The following GALNT13 variants were observed in gnomAD, a reference collection of about 807,000 sequenced individuals.
The protein encoded by GALNT13 is polypeptide N-acetylgalactosaminyltransferase 13, also known as UDP-GalNAc:polypeptide N-acetylgalactosaminyltransferase 13.
In GALNT13, 28 loss-of-function variants were observed where a neutral mutation model predicts 64.2. That is an observed-to-expected ratio of 0.44 (90% CI 0.32 to 0.60). The LOEUF (loss-of-function observed/expected upper bound fraction) is 0.60. Among genes scored for constraint, GALNT13 ranks in the 20% least tolerant of loss-of-function variants. GALNT13 has a pLI of 0.05. For missense variants in GALNT13, 577 were observed against 669.8 expected (o/e 0.86, Z 1.53); for synonymous variants, 214 against 224.6 (o/e 0.95, Z 0.42).
At chr2:153,874,515 G>A (rs903579622) in intron 1 of GALNT13, among the ~76,000 whole-genome samples, 1 of 151,964 alleles carries the variant, frequency 6.6e-6, no homozygotes, top group Admixed American at 6.6e-5. Flanking sequence ...ATTCCAGTTC[G>A]GAAAGTCCTG....
At chr2:154,168,610 A>G (rs1464408916) in intron 4 of GALNT13, among the ~76,000 whole-genome samples, 3 of 150,638 alleles carry the variant, frequency 2.0e-5, no homozygotes, top group African/African-American at 7.3e-5. Context: ...TGAGGCAGGC[A>G]GATCACAAGG....
chr2:154,118,405 T>C (rs1681730515), intron 3 of GALNT13, among the ~76,000 whole-genome samples: 1 of 151,914 alleles, frequency 6.6e-6, no homozygotes, highest in Non-Finnish European at 1.5e-5. Context: ...TTCAGTTATG[T>C]GTGCCCTTTA....
the GALNT13 span, among the ~76,000 whole-genome samples, chr2:153,101,321 A>G: frequency 1.3e-5 from 2 of 152,034 alleles, no homozygotes; most frequent in Non-Finnish European, 2.9e-5. Context: ...GTCTGCTTGC[A>G]TTTGAAAAAC....
At chr2:154,020,668 G>A (rs1697392212) in intron 3 of GALNT13, among the ~76,000 whole-genome samples, 1 of 150,868 alleles carries the variant, frequency 6.6e-6, no homozygotes. Context: ...CACTCTGATG[G>A]TAGTTTCTTT....
the GALNT13 span, among the ~76,000 whole-genome samples, chr2:153,381,897 C>T: frequency 0.017 from 2,530 of 152,214 alleles, 80 homozygotes; most frequent in African/African-American, 0.058. Flanking sequence ...AGAAACAAAG[C>T]ACTGTTACAC....
the GALNT13 span, among the ~76,000 whole-genome samples, chr2:153,175,510 A>G: frequency 6.6e-6 from 1 of 152,192 alleles, no homozygotes; most frequent in Non-Finnish European, 1.5e-5. Flanking sequence ...AGAAGATAGA[A>G]TGCTGAGCCT....
the GALNT13 span, among the ~76,000 whole-genome samples, chr2:153,136,293 G>T: frequency 1.3e-5 from 2 of 152,028 alleles, no homozygotes; most frequent in East Asian, 3.9e-4. Flanking sequence ...GGACTTGGAG[G>T]TGCAAAAGGG....
intron 3 of GALNT13, among the ~76,000 whole-genome samples, chr2:154,133,568 ATATATATATATATAT>A (rs1321840857): frequency 9.7e-6 from 1 of 102,762 alleles, no homozygotes; most frequent in African/African-American, 3.7e-5. Context: ...ATATATATAT[ATATATATATATATAT>A]ATCTGAGATG....
At chr2:153,886,071 C>T (rs542225685) in intron 1 of GALNT13, among the ~76,000 whole-genome samples, 35 of 151,138 alleles carry the variant, frequency 2.3e-4, no homozygotes, top group African/African-American at 6.6e-4. Flanking sequence ...GTGTAGGATA[C>T]GTATACCACA....
At chr2:153,073,065 A>G in the GALNT13 span, among the ~76,000 whole-genome samples, 2 of 149,842 alleles carry the variant, frequency 1.3e-5, no homozygotes, top group Non-Finnish European at 3.0e-5. Context: ...ACATGCTCTC[A>G]TTTAATTTCA....
the GALNT13 span, among the ~76,000 whole-genome samples, chr2:153,780,367 A>G: frequency 1.3e-5 from 2 of 151,768 alleles, no homozygotes; most frequent in Non-Finnish European, 2.9e-5. Context: ...TAAACTAGCA[A>G]AGTGGGCTGC....
intron 1 of GALNT13, among the ~76,000 whole-genome samples, chr2:153,900,011 C>G (rs1253965767): frequency 6.8e-6 from 1 of 146,224 alleles, no homozygotes; most frequent in Admixed American, 7.0e-5. Context: ...TCTCATCTCA[C>G]TGCAACCTCC....
the GALNT13 span, among the ~76,000 whole-genome samples, chr2:153,724,328 G>A: frequency 3.8e-5 from 5 of 131,748 alleles, no homozygotes; most frequent in African/African-American, 1.1e-4. Context: ...AGACTTAAAC[G>A]TTAGACCTAA....
At chr2:153,438,678 A>T in the GALNT13 span, among the ~76,000 whole-genome samples, 5 of 151,740 alleles carry the variant, frequency 3.3e-5, no homozygotes, top group African/African-American at 1.2e-4. Context: ...CAGCTCCATC[A>T]GGTCCTTTAA....
the GALNT13 span, among the ~76,000 whole-genome samples, chr2:153,766,961 A>C: frequency 6.6e-6 from 1 of 151,886 alleles, no homozygotes; most frequent in Non-Finnish European, 1.5e-5. Context: ...TTCTAAATGT[A>C]GTTTAGATTT....
chr2:153,550,217 A>C, the GALNT13 span, among the ~76,000 whole-genome samples: 1 of 151,364 alleles, frequency 6.6e-6, no homozygotes, highest in African/African-American at 2.4e-5. Context: ...ATGTAAAAAC[A>C]ATCTTGGTAA....
intron 2 of GALNT13, among the ~76,000 whole-genome samples, chr2:153,938,877 G>A (rs1027345823): frequency 6.6e-6 from 1 of 152,096 alleles, no homozygotes; most frequent in South Asian, 2.1e-4. Context: ...AGATACTAGG[G>A]GTTAGGACTT....
chr2:153,262,805 A>G, the GALNT13 span, among the ~76,000 whole-genome samples: 1 of 152,192 alleles, frequency 6.6e-6, no homozygotes, highest in East Asian at 1.9e-4. Flanking sequence ...ATACCTCAAA[A>G]TAATAAGAGC....
chr2:154,338,863 A>G (rs1312027217), intron 9 of GALNT13, among the ~76,000 whole-genome samples: 3 of 152,190 alleles, frequency 2.0e-5, no homozygotes, highest in Middle Eastern at 3.4e-3. Context: ...TGAGTTGTCT[A>G]CTATATCTAG....
Sources: gnomAD v4.1 joint callset for allele counts (sites outside exome capture counted in the v4.1 genomes callset) on GRCh38, gnomAD v4.1.1 for gene constraint, MANE v1.5 for transcripts, NCBI Gene and HGNC (gene_info 2026-07-23, HGNC 2026-07-21) for gene names.